The following GAPDHS variants were observed in gnomAD, a reference collection of about 807,000 sequenced individuals.
GAPDHS encodes the protein glyceraldehyde-3-phosphate dehydrogenase, testis-specific.
In GAPDHS, 42 loss-of-function variants were observed where a neutral mutation model predicts 48.7. The observed-to-expected ratio is 0.86, with a 90% CI of 0.67 to 1.12. The LOEUF is 1.12. GAPDHS is among the 50% of genes most tolerant of loss of function. The pLI, the probability that GAPDHS is intolerant of heterozygous loss-of-function variation, is 0.00. For synonymous variants in GAPDHS, 166 were observed against 219.1 expected, an observed-to-expected ratio of 0.76 and a Z score of 2.14; for missense variants, 512 against 557.7, an observed-to-expected ratio of 0.92 and a Z score of 0.82.
chr19:35,535,223 G>A (rs1340579644), intron 1 of GAPDHS, among the ~76,000 whole-genome samples: 1 of 152,154 alleles, frequency 6.6e-6, no homozygotes, highest in African/African-American at 2.4e-5. Context: ...AGCTCAGGCG[G>A]CTGCTACCTC....
chr19:35,535,763 C>A (rs577211238), intron 1 of GAPDHS, among the ~76,000 whole-genome samples: 1 of 147,104 alleles, frequency 6.8e-6, no homozygotes, highest in East Asian at 2.1e-4. Context: ...GAAGAGCCCT[C>A]CTCAGGTGAT....
intron 1 of GAPDHS, 132 bp downstream of exon 1, chr19:35,533,726 G>C (rs1257929544): frequency 1.6e-6 from 1 of 634,464 alleles, no homozygotes; most frequent in East Asian, 3.1e-5. Flanking sequence ...GGGATCAGCC[G>C]CTCTCCCTCC....
At chr19:35,537,091 T>G in intron 2 of GAPDHS, 101 bp downstream of exon 2, 7 of 1,026,158 alleles carry the variant, frequency 6.8e-6, no homozygotes, top group Non-Finnish European at 1.0e-5. Context: ...CATCAATGCT[T>G]TCGTTCCGAC....
rs1309912085 is a variant in GAPDHS, at chr19:35,545,041, G to A, written c.1154+35G>A. The A allele has an allele frequency of 4.4e-6, 7 of 1,601,726 alleles. No homozygotes were observed. The South Asian group carries it at 6.6e-5, about 15-fold the overall frequency. On this transcript the variant is annotated intron_variant, in intron 10 of 10. Coordinates refer to ENST00000222286, the MANE Select transcript of GAPDHS (RefSeq NM_014364.5). Reference sequence around the variant, plus strand: ...AAGGAGCTGGAGACTTAGAGGGAGGGGAACTAAGGGGTGGTCGGAAGGAAC... The same window carrying A: ...AAGGAGCTGGAGACTTAGAGGGAGGAGAACTAAGGGGTGGTCGGAAGGAAC...
In GAPDHS at chr19:35,545,245, C is replaced by T. The variant is rs748291369; in HGVS notation, c.*75C>T. On this transcript the variant is annotated 3_prime_UTR_variant, in exon 11 of 11. Coordinates refer to ENST00000222286, the MANE Select transcript of GAPDHS (RefSeq NM_014364.5). ...GCCTCCCGTTCCAGCATCTGGCTGC[C>T]CGGGGGAGGAAGGACACCCGGGGCG... is the stretch of plus-strand genomic sequence containing the variant. 2.6e-5 allele frequency: 34 copies of T among 1,288,996 alleles called. No individual in the cohort carries two copies. The highest frequency in any genetic ancestry group is 5.8e-5 in the African/African-American group (4 of 68,580). 79.8% of individuals were successfully genotyped at this position (1,288,996 alleles called of 1,614,324 possible).
At position 35,536,987 on chromosome 19, in the gene GAPDHS, A is replaced by T; in HGVS notation, c.242A>T (p.Asn81Ile). The part of the protein sequence containing the change: ...SVARELTVGI[N>I]GFGRIGRLVL... The stretch of plus-strand genomic sequence containing the variant: ...GCCCGGGAGCTGACTGTGGGCATCA[A>T]TGGGTGAGTCTACTCCAGCCCCTGA... The change falls in exon 2 of 11, where the codon AAT becomes ATT. Residue 81 changes from asparagine (N) to isoleucine (I), a missense_variant. Coordinates refer to ENST00000222286, the MANE Select transcript of GAPDHS (RefSeq NM_014364.5). The T allele has an allele frequency of 6.2e-7, 1 of 1,612,940 alleles. No homozygotes were observed. Among genetic ancestry groups the T allele is most frequent in the Non-Finnish European group, 8.5e-7 (1 of 1,179,312 alleles).
At position 35,536,857 on chromosome 19, in the gene GAPDHS, C is replaced by A. The variant is rs760839377; in HGVS notation, c.112C>A (p.Pro38Thr). ...PPPEPKAEVEPQPQPEPTPVR... is the reference protein window; with the variant it reads ...PPPEPKAEVETQPQPEPTPVR... ...ACCTGAGCCTAAGGCTGAAGTAGAG[C>A]CCCAGCCACAACCAGAGCCCACACC... The change falls in exon 2 of 11, where the codon CCC becomes ACC. Residue 38 changes from proline to threonine, a missense_variant. By Grantham distance (38) the Pro-to-Thr change is conservative. Coordinates refer to ENST00000222286, the MANE Select transcript of GAPDHS (RefSeq NM_014364.5). The A allele has an allele frequency of 1.2e-6, 2 of 1,613,800 alleles. No homozygotes were observed. Among genetic ancestry groups the A allele is most frequent in the African/African-American group, 1.3e-5 (1 of 74,898 alleles).
In GAPDHS at chr19:35,543,350, A is replaced by G. The variant is rs370560043; in HGVS notation, c.752A>G (p.His251Arg). ...CTTCTCTTCCCCAAGACCACAGTCC[A>G]TTCCTACACGGCCACCCAGAAGACA... ...GIVEGLMTTV[H>R]SYTATQKTVD... Residue 251 changes from histidine (H) to arginine (R), a missense_variant, in exon 8 of 11, where the codon CAT (histidine) becomes CGT (arginine). Coordinates refer to ENST00000222286, the MANE Select transcript of GAPDHS (RefSeq NM_014364.5). 5 of 1,612,474 alleles carry G rather than the reference A, an allele frequency of 3.1e-6. No homozygotes were observed. The African/African-American group carries it at 5.3e-5, about 17-fold the overall frequency.
Position 35,542,391 on chromosome 19 carries a change from C to T in GAPDHS, c.522C>T (p.Leu174=). The change falls in exon 5 of 11, where the codon CTC becomes CTT. Residue 174 remains leucine (L), a synonymous_variant. Coordinates refer to ENST00000222286, the MANE Select transcript of GAPDHS (RefSeq NM_014364.5). ...PYVVESTGVY[L]SIQAASDHIS... ...TGGTGGAGTCCACAGGCGTGTACCT[C>T]TCCATACAGGCAGCTTCGGTAAGCT... The T allele has an allele frequency of 1.2e-6, 2 of 1,612,844 alleles. No homozygotes were observed. Among genetic ancestry groups the T allele is most frequent in the Non-Finnish European group, 1.7e-6 (2 of 1,179,036 alleles).
intron 9 of GAPDHS, 89 bp downstream of exon 9, chr19:35,543,916 A>G: frequency 6.9e-7 from 1 of 1,446,762 alleles, no homozygotes; most frequent in East Asian, 2.5e-5. Flanking sequence ...CAATGTGCCA[A>G]GTCAGAAACT....
intron 4 of GAPDHS, 152 bp downstream of exon 4, chr19:35,538,835 A>G (rs2071482882): frequency 4.7e-6 from 3 of 644,258 alleles, no homozygotes; most frequent in East Asian, 5.5e-5. Flanking sequence ...TTGAAGAGGG[A>G]AGTCTCAGGT....
chr19:35,542,768 C>A, intron 6 of GAPDHS, 160 bp downstream of exon 6: 1 of 724,364 alleles, frequency 1.4e-6, no homozygotes, highest in Admixed American at 2.2e-5. Context: ...CTTGGGGAGC[C>A]TCCCCAGCTG....
chr19:35,543,743 T>A lies in GAPDHS; in HGVS notation c.972T>A (p.Pro324=). ...VVDLTCRLAQ[P]APYSAIKEAV... The stretch of plus-strand genomic sequence containing the variant: ...ACCTGACCTGCCGCCTCGCCCAGCC[T>A]GCCCCCTACTCAGCCATCAAGGAGG... The change falls in exon 9 of 11, where the codon CCT becomes CCA. Residue 324 remains proline, a synonymous_variant. Transcript: ENST00000222286. 6.2e-7 allele frequency: 1 copy of A among 1,614,012 alleles called. No homozygotes were observed. The highest frequency in any genetic ancestry group is 8.5e-7 in the Non-Finnish European group (1 of 1,179,994).
At chr19:35,544,599 C>G (rs12611120) in intron 9 of GAPDHS, 60,473 of 395,786 alleles carry the variant, frequency 0.15, 5,075 homozygotes, top group Non-Finnish European at 0.17. Flanking sequence ...GACCCAGGCT[C>G]ATGGCCACCC....
At chr19:35,539,693 T>C (rs1333324852) in intron 4 of GAPDHS, among the ~76,000 whole-genome samples, 1 of 151,696 alleles carries the variant, frequency 6.6e-6, no homozygotes, top group African/African-American at 2.4e-5. Flanking sequence ...GGGGGTAGGG[T>C]GAGTGATAAA....
At chr19:35,544,762 C>T (rs1292347246) in intron 9 of GAPDHS, 147 bp from the exon 10 acceptor site, 1 of 660,480 alleles carries the variant, frequency 1.5e-6, no homozygotes, top group Non-Finnish European at 2.8e-6. Context: ...TGGTCATACC[C>T]TCCAGTCCAG....
At chr19:35,537,576 C>T (rs573658524) in intron 2 of GAPDHS, among the ~76,000 whole-genome samples, 4 of 152,130 alleles carry the variant, frequency 2.6e-5, no homozygotes, top group East Asian at 1.9e-4. Flanking sequence ...TGCCAAGAGA[C>T]GTAATCTGTC....
At chr19:35,538,279 C>T (rs575359091) in intron 2 of GAPDHS, 28 bp from the exon 3 acceptor site, 11 of 1,540,044 alleles carry the variant, frequency 7.1e-6, no homozygotes, top group Non-Finnish European at 9.0e-6. Flanking sequence ...CCCTTCTCTC[C>T]CATCCCTTCC....
At chr19:35,534,537 C>T (rs1333632811) in intron 1 of GAPDHS, among the ~76,000 whole-genome samples, 3 of 152,108 alleles carry the variant, frequency 2.0e-5, no homozygotes, top group Admixed American at 6.5e-5. Context: ...GGCTTTTCTC[C>T]AACCGGGGGA....
Sources: allele counts gnomAD v4.1 joint callset (sites outside exome capture counted in the v4.1 genomes callset), GRCh38; gene constraint gnomAD v4.1.1; transcripts MANE v1.5; gene names NCBI Gene and HGNC (gene_info 2026-07-23, HGNC 2026-07-21).